AADACL2: variants seen among roughly 807,000 people sequenced by gnomAD.
The protein encoded by AADACL2 is arylacetamide deacetylase like 2, also known as arylacetamide deacetylase-like 2.
A neutral mutation model predicts 22.3 loss-of-function variants in AADACL2; 23 were observed. The ratio of observed to expected loss-of-function variants is 1.03; its 90% confidence interval spans 0.74 to 1.46. AADACL2 has a LOEUF of 1.46. AADACL2 is among the 40% of genes most tolerant of loss of function. The pLI is 0.00. For synonymous variants in AADACL2, 177 were observed against 166.2 expected, an observed-to-expected ratio of 1.07 and a Z score of -0.50; for missense variants, 472 against 482.9, an observed-to-expected ratio of 0.98 and a Z score of 0.21.
At position 151,758,866 on chromosome 3, in the gene AADACL2, C is replaced by T. The variant is rs1300089405; in HGVS notation, c.*1272C>T. ...ATGTGTGTGGGAAAAATCTACCATCCAATTGACCCAAAAACAACTTACTCA... is the reference window on the plus strand; with the variant it reads ...ATGTGTGTGGGAAAAATCTACCATCTAATTGACCCAAAAACAACTTACTCA... On this transcript the variant is annotated 3_prime_UTR_variant, in exon 5 of 5. Coordinates refer to ENST00000356517, the MANE Select transcript of AADACL2 (RefSeq NM_207365.4). 6.6e-6 allele frequency: 1 copy of T among 151,990 alleles called. No individual in the cohort carries two copies. Among genetic ancestry groups the T allele is most frequent in the Non-Finnish European group, 1.5e-5 (1 of 67,934 alleles). The allele number at this position is 151,990 out of a possible 1,614,324, so 9.4% of individuals were successfully genotyped here.
chr3:151,751,862 C>A (rs1352259380), intron 4 of AADACL2, among the ~76,000 whole-genome samples: 2 of 152,054 alleles, frequency 1.3e-5, no homozygotes, highest in African/African-American at 2.4e-5. Flanking sequence ...CAAAAGTGCA[C>A]AAAAATCTAA....
At position 151,760,187 on chromosome 3, in the gene AADACL2, A is replaced by G. The variant is rs1714094829; in HGVS notation, c.*2593A>G. The stretch of plus-strand genomic sequence containing the variant: ...GCTGTAATGATGTATCTTTTAACAA[A>G]TCTAATTTATTTCTTGACAGTATAG... On this transcript the variant is annotated 3_prime_UTR_variant, in exon 5 of 5. Coordinates refer to ENST00000356517, the MANE Select transcript of AADACL2 (RefSeq NM_207365.4). The G allele has an allele frequency of 6.6e-6, 1 of 152,154 alleles. No individual in the cohort carries two copies. Among genetic ancestry groups the G allele is most frequent in the East Asian group, 1.9e-4 (1 of 5,192 alleles). The allele number at this position is 152,154 out of a possible 1,614,324, so 9.4% of individuals were successfully genotyped here.
At chr3:151,736,884 A>T (rs1456278920) in intron 1 of AADACL2, among the ~76,000 whole-genome samples, 2 of 152,174 alleles carry the variant, frequency 1.3e-5, no homozygotes, top group African/African-American at 2.4e-5. Flanking sequence ...ATTAAAGATC[A>T]TTGAGGAATT....
chr3:151,757,452 G>C lies in AADACL2; in HGVS notation c.1064G>C (p.Arg355Pro). Reference protein sequence around the residue: ...DDGLMYVTRLRNVGVQVVHEH... With the variant: ...DDGLMYVTRLPNVGVQVVHEH... ...GGACTTATGTATGTTACAAGACTTC[G>C]AAATGTTGGAGTCCAAGTTGTTCAT... Residue 355 changes from arginine to proline, a missense_variant, in exon 5 of 5, where the codon CGA becomes CCA. Around this residue, in one of 3 missense-constraint regions of AADACL2, gnomAD observed 113 missense variants for 100.9 expected, o/e 1.12. Transcript: ENST00000356517. 6.2e-7 allele frequency: 1 copy of C among 1,613,588 alleles called. No individual in the cohort carries two copies.
chr3:151,740,172 C>T (rs1363981785), intron 1 of AADACL2, among the ~76,000 whole-genome samples: 1 of 152,174 alleles, frequency 6.6e-6, no homozygotes, highest in Non-Finnish European at 1.5e-5. Flanking sequence ...CTGCAGATTG[C>T]AAAAACCATG....
intron 4 of AADACL2, among the ~76,000 whole-genome samples, chr3:151,752,241 T>G (rs1713698788): frequency 6.6e-6 from 1 of 152,170 alleles, no homozygotes; most frequent in Non-Finnish European, 1.5e-5. Flanking sequence ...TGTTATAGAT[T>G]ATGGCTTTAA....
chr3:151,753,635 T>C (rs1444732345), intron 4 of AADACL2, among the ~76,000 whole-genome samples: 1 of 152,152 alleles, frequency 6.6e-6, no homozygotes, highest in Non-Finnish European at 1.5e-5. Context: ...TGAAGTTGAG[T>C]GCTCTGGGTT....
At chr3:151,753,999 C>G (rs948408441) in intron 4 of AADACL2, among the ~76,000 whole-genome samples, 2 of 152,134 alleles carry the variant, frequency 1.3e-5, no homozygotes, top group African/African-American at 4.8e-5. Flanking sequence ...TCAGTAATGC[C>G]TCAGACTGTC....
At chr3:151,755,831 G>A (rs1713877243) in intron 4 of AADACL2, among the ~76,000 whole-genome samples, 1 of 152,100 alleles carries the variant, frequency 6.6e-6, no homozygotes, top group Admixed American at 6.6e-5. Context: ...AGAGTAGGAT[G>A]ACTGAGGGTG....
chr3:151,748,029 C>T (rs1329426021), intron 4 of AADACL2, among the ~76,000 whole-genome samples: 5 of 152,016 alleles, frequency 3.3e-5, no homozygotes, highest in Non-Finnish European at 5.9e-5. Flanking sequence ...TTATTGAACC[C>T]ATGATTTGAA....
At position 151,744,120 on chromosome 3, in the gene AADACL2, G is replaced by A; in HGVS notation, c.389G>A (p.Arg130Lys). 1 of 1,613,772 alleles carries A rather than the reference G, an allele frequency of 6.2e-7. No individual in the cohort carries two copies. The highest frequency in any genetic ancestry group is 1.7e-5 in the Admixed American group (1 of 59,990). Reference sequence around the variant, plus strand: ...CAGAGGGCTTTTGACTTCCTGAATAGATGGACGGCAAACACGCTTGATGCT... The same window carrying A: ...CAGAGGGCTTTTGACTTCCTGAATAAATGGACGGCAAACACGCTTGATGCT... ...SKQRAFDFLNRWTANTLDAVV... is the reference protein window; with the variant it reads ...SKQRAFDFLNKWTANTLDAVV... Residue 130 changes from arginine to lysine, a missense_variant, in exon 3 of 5, where the codon AGA becomes AAA. Transcript: ENST00000356517.
chr3:151,737,603 T>C (rs929254309), intron 1 of AADACL2, among the ~76,000 whole-genome samples: 30 of 152,276 alleles, frequency 2.0e-4, no homozygotes, highest in Non-Finnish European at 2.6e-4. Flanking sequence ...TCTAAGTCTC[T>C]TTGAAGGTCT....
At chr3:151,749,365 G>T (rs1713575343) in intron 4 of AADACL2, among the ~76,000 whole-genome samples, 1 of 152,010 alleles carries the variant, frequency 6.6e-6, no homozygotes, top group Non-Finnish European at 1.5e-5. Context: ...AAATGCAAGT[G>T]ATTTTTCTAT....
intron 4 of AADACL2, among the ~76,000 whole-genome samples, chr3:151,749,428 T>C (rs1271600140): frequency 6.6e-6 from 1 of 152,138 alleles, no homozygotes; most frequent in Non-Finnish European, 1.5e-5. Context: ...TACTAACAGA[T>C]TTTTGGTAGA....
intron 4 of AADACL2, among the ~76,000 whole-genome samples, chr3:151,751,234 T>G (rs1368107836): frequency 6.6e-6 from 1 of 152,212 alleles, no homozygotes; most frequent in East Asian, 1.9e-4. Context: ...AATTACTATG[T>G]AAAATTGCAT....
chr3:151,755,880 C>A (rs960947103), intron 4 of AADACL2, among the ~76,000 whole-genome samples: 9 of 152,014 alleles, frequency 5.9e-5, no homozygotes, highest in African/African-American at 1.4e-4. Flanking sequence ...AATTATCTAC[C>A]TAAGGGCATG....
intron 1 of AADACL2, among the ~76,000 whole-genome samples, chr3:151,737,385 T>C (rs922928436): frequency 6.6e-6 from 1 of 152,142 alleles, no homozygotes; most frequent in Non-Finnish European, 1.5e-5. Flanking sequence ...CTTCCAATTA[T>C]GTGGTCAATG....
At position 151,757,389 on chromosome 3, in the gene AADACL2, A is replaced by G. The variant is rs768133946; in HGVS notation, c.1001A>G (p.Tyr334Cys). Reference sequence around the variant, plus strand: ...CAGTTACAGAATTTGCCACTAACCTATATTCTTACTTGTCAACATGATCTC... The same window carrying G: ...CAGTTACAGAATTTGCCACTAACCTGTATTCTTACTTGTCAACATGATCTC... ...DSQLQNLPLT[Y>C]ILTCQHDLLR... The change falls in exon 5 of 5, where the codon TAT becomes TGT. Residue 334 changes from tyrosine to cysteine, a missense_variant. Physicochemically the swap from Tyr to Cys is radical, Grantham distance 194 (BLOSUM62 -2). This residue lies in a region of AADACL2 where 113 missense variants were observed against 100.9 expected (regional missense o/e 1.12). Coordinates refer to ENST00000356517, the MANE Select transcript of AADACL2 (RefSeq NM_207365.4). The G allele has an allele frequency of 5.0e-6, 8 of 1,613,702 alleles. No homozygotes were observed. Among genetic ancestry groups the G allele is most frequent in the Non-Finnish European group, 5.9e-6 (7 of 1,179,698 alleles).
chr3:151,744,498 T>C (rs1713378093), intron 3 of AADACL2, among the ~76,000 whole-genome samples: 1 of 152,132 alleles, frequency 6.6e-6, no homozygotes, highest in Non-Finnish European at 1.5e-5. Context: ...GGATACTGGA[T>C]TGTATTTGAG....
Sources: allele counts gnomAD v4.1 joint callset (sites outside exome capture counted in the v4.1 genomes callset), GRCh38; gene constraint gnomAD v4.1.1; regional missense constraint gnomAD v4.1.1; transcripts MANE v1.5; gene names NCBI Gene and HGNC (gene_info 2026-07-23, HGNC 2026-07-21).